The following SND1 variants were observed in gnomAD, a reference collection of about 807,000 sequenced individuals.
The protein encoded by SND1 is staphylococcal nuclease and tudor domain containing 1, also known as staphylococcal nuclease domain-containing protein 1.
SND1 carries 38 observed loss-of-function variants against 121.7 expected under a neutral mutation model. That is an observed-to-expected ratio of 0.31 (90% CI 0.24 to 0.41). The LOEUF is 0.41. Ranked by LOEUF, SND1 falls within the 10% of genes least tolerant of loss-of-function variation. The pLI, the probability that SND1 is intolerant of heterozygous loss-of-function variation, is 1.00. For missense variants in SND1, 868 were observed against 1,184.6 expected (o/e 0.73, Z 3.92); for synonymous variants, 401 against 447.4 (o/e 0.90, Z 1.31).
chr7:127,918,102 G>C (rs889792036), intron 14 of SND1, among the ~76,000 whole-genome samples: 1 of 145,746 alleles, frequency 6.9e-6, no homozygotes, highest in Non-Finnish European at 1.5e-5. Flanking sequence ...TGACTTTGTA[G>C]CCCAGGCTGG....
intron 11 of SND1, among the ~76,000 whole-genome samples, chr7:127,829,282 C>A (rs1798697800): frequency 6.6e-6 from 1 of 152,096 alleles, no homozygotes; most frequent in South Asian, 2.1e-4. Flanking sequence ...TACTCTTCAT[C>A]TGGAGCAAAG....
intron 16 of SND1, among the ~76,000 whole-genome samples, chr7:128,036,482 C>T (rs1306052947): frequency 6.6e-6 from 1 of 152,202 alleles, no homozygotes; most frequent in African/African-American, 2.4e-5. Context: ...TCTTTTCCCC[C>T]AAGGACTCAG....
rs1802538704 is a variant in SND1, at chr7:127,992,201, T to A, written c.1779+1145T>A. 2.0e-5 allele frequency among the ~76,000 whole-genome samples: 3 copies of A among 152,234 alleles called. 1 individual carries two copies. In the South Asian group the frequency reaches 6.2e-4, roughly 31 times the overall value. The stretch of plus-strand genomic sequence containing the variant: ...CATCAGATTCACATTGCCCTCCATT[T>A]TATTTTTTGTGAAGATGCATGCAAA... On this transcript the variant is annotated intron_variant, in intron 16 of 23. Transcript: ENST00000354725.
chr7:127,789,801 G>A (rs1797877652), intron 10 of SND1, among the ~76,000 whole-genome samples: 2 of 152,096 alleles, frequency 1.3e-5, no homozygotes, highest in Admixed American at 1.3e-4. Flanking sequence ...CCTTTGCTGT[G>A]CACTTTTACT....
At chr7:127,911,359 T>C (rs1218768741) in intron 14 of SND1, among the ~76,000 whole-genome samples, 2 of 152,194 alleles carry the variant, frequency 1.3e-5, no homozygotes, top group Non-Finnish European at 2.9e-5. Context: ...TTTTCTCTTA[T>C]ATTTTCAATT....
intron 14 of SND1, chr7:127,928,140 C>T (rs943013395): frequency 1.3e-5 from 2 of 152,196 alleles, no homozygotes; most frequent in African/African-American, 4.8e-5. Context: ...TGATTTGGCA[C>T]TCTGGAGGAT....
chr7:127,896,650 G>T (rs541381805), intron 13 of SND1, among the ~76,000 whole-genome samples: 1 of 152,050 alleles, frequency 6.6e-6, no homozygotes, highest in East Asian at 1.9e-4. Context: ...AATTACAGTC[G>T]TGGTTATAAG....
At chr7:128,050,420 A>C (rs1793026143) in intron 16 of SND1, among the ~76,000 whole-genome samples, 1 of 152,210 alleles carries the variant, frequency 6.6e-6, no homozygotes, top group Non-Finnish European at 1.5e-5. Context: ...ATTGAGTCTG[A>C]TACTGAGAAA....
At chr7:127,860,727 A>C (rs183749582) in intron 12 of SND1, among the ~76,000 whole-genome samples, 1 of 152,214 alleles carries the variant, frequency 6.6e-6, no homozygotes, top group Non-Finnish European at 1.5e-5. Flanking sequence ...AAAGGTGTTA[A>C]TCTCTTTTGT....
At chr7:127,882,907 C>T (rs17133046) in intron 12 of SND1, among the ~76,000 whole-genome samples, 8,198 of 152,190 alleles carry the variant, frequency 0.054, 644 homozygotes, top group African/African-American at 0.17. Context: ...AATTCACAAT[C>T]GGCATATAAA....
chr7:128,011,687 C>T (rs1236463772), intron 16 of SND1, among the ~76,000 whole-genome samples: 1 of 152,190 alleles, frequency 6.6e-6, no homozygotes, highest in Admixed American at 6.5e-5. Flanking sequence ...AGCTTTTTAA[C>T]TTCCCCAGAT....
intron 3 of SND1, among the ~76,000 whole-genome samples, chr7:127,695,835 AAAAT>A (rs2116327140): frequency 6.6e-6 from 1 of 152,284 alleles, no homozygotes; most frequent in Admixed American, 6.5e-5. Context: ...AAAAAACAAA[AAAAT>A]AGTATATGTA....
chr7:127,714,866 A>G (rs1796360251), intron 9 of SND1, among the ~76,000 whole-genome samples: 1 of 152,178 alleles, frequency 6.6e-6, no homozygotes, highest in Non-Finnish European at 1.5e-5. Context: ...TTGTATGTGT[A>G]TACATTTTGC....
chr7:127,975,751 C>A (rs1802104808), intron 15 of SND1, among the ~76,000 whole-genome samples: 1 of 152,138 alleles, frequency 6.6e-6, no homozygotes, highest in Admixed American at 6.5e-5. Flanking sequence ...GAAGGGGTGG[C>A]TCCTCTCTTT....
At chr7:127,686,437 G>A (rs551109753) in intron 1 of SND1, among the ~76,000 whole-genome samples, 176 bp from the exon 2 acceptor site, 58 of 152,212 alleles carry the variant, frequency 3.8e-4, no homozygotes, top group Non-Finnish European at 5.4e-4. Context: ...CTTTATGTAG[G>A]TATTTCTCTT....
At chr7:127,969,875 C>G (rs1317001129) in intron 15 of SND1, among the ~76,000 whole-genome samples, 1 of 152,098 alleles carries the variant, frequency 6.6e-6, no homozygotes, top group African/African-American at 2.4e-5. Context: ...CTTTATAATC[C>G]CCGTGATCTA....
At chr7:127,788,173 C>G (rs961402126) in intron 10 of SND1, among the ~76,000 whole-genome samples, 4 of 152,094 alleles carry the variant, frequency 2.6e-5, no homozygotes, top group African/African-American at 9.7e-5. Context: ...TCAACCCTTT[C>G]TCTCTCTTTT....
chr7:127,704,241 T>A (rs1796152463), intron 7 of SND1, among the ~76,000 whole-genome samples: 1 of 152,196 alleles, frequency 6.6e-6, no homozygotes, highest in African/African-American at 2.4e-5. Context: ...TACTTACTCT[T>A]TGGCTAGATA....
At chr7:127,717,360 T>C (rs1025338109) in intron 9 of SND1, among the ~76,000 whole-genome samples, 2 of 152,246 alleles carry the variant, frequency 1.3e-5, no homozygotes, top group African/African-American at 4.8e-5. Context: ...TCTCAGACTT[T>C]TTTTTTGTTT....
Sources: allele counts gnomAD v4.1 joint callset (sites outside exome capture counted in the v4.1 genomes callset), GRCh38; gene constraint gnomAD v4.1.1; transcripts MANE v1.5; gene names NCBI Gene and HGNC (gene_info 2026-07-23, HGNC 2026-07-21).